Variants in NAV2 observed in about 807,000 individuals in gnomAD.
The protein encoded by NAV2 is neuron navigator 2.
A neutral mutation model predicts 223.2 loss-of-function variants in NAV2; 54 were observed. The ratio of observed to expected loss-of-function variants is 0.24; its 90% CI spans 0.19 to 0.30. NAV2 has a LOEUF of 0.30. Among genes scored for constraint, NAV2 ranks in the 10% least tolerant of loss-of-function variants. NAV2 has a pLI of 1.00. For missense variants in NAV2, 2,806 were observed against 3,147.5 expected, an observed-to-expected ratio of 0.89 and a Z score of 2.60; for synonymous variants, 1,279 against 1,239.3, an observed-to-expected ratio of 1.03 and a Z score of -0.67.
intron 1 of NAV2, among the ~76,000 whole-genome samples, chr11:19,687,218 C>G (rs576301670): frequency 1.3e-5 from 2 of 152,314 alleles, no homozygotes; most frequent in African/African-American, 4.8e-5. Context: ...CCAGCATCTC[C>G]GAAACACTGG....
intron 2 of NAV2, among the ~76,000 whole-genome samples, chr11:19,840,416 G>A (rs772105672): frequency 1.2e-4 from 19 of 152,306 alleles, no homozygotes; most frequent in Non-Finnish European, 2.9e-5. Context: ...TCTTTAAAGT[G>A]TCCCAAATGA....
chr11:20,100,825 T>A lies in NAV2; in HGVS notation c.6182-112T>A, dbSNP rs2061589612. The A allele has an allele frequency of 3.7e-6, 3 of 820,440 alleles. No individual in the cohort carries two copies. The African/African-American group carries it at 5.1e-5, about 14-fold the overall frequency. The allele number at this position is 820,440 out of a possible 1,614,324, so 50.8% of individuals were successfully genotyped here. A position where few individuals can be genotyped will look rare whatever the true frequency, so the allele number is the denominator to read the frequency against. On this transcript the variant is annotated intron_variant, in intron 31 of 37. Transcript: ENST00000349880. ...TGGGTGTGCAGGAGTCTCAGGTGAG[T>A]GGACTGCCGAGGAGAGGAATCACCT...
At chr11:19,363,145 C>T (rs1042082552) in intron 1 of NAV2, among the ~76,000 whole-genome samples, 23 of 152,186 alleles carry the variant, frequency 1.5e-4, no homozygotes, top group South Asian at 6.2e-4. Flanking sequence ...CCCCACCCCA[C>T]GACAGGCCCT....
At chr11:19,658,618 G>A (rs977134791) in intron 1 of NAV2, among the ~76,000 whole-genome samples, 1 of 152,122 alleles carries the variant, frequency 6.6e-6, no homozygotes, top group Non-Finnish European at 1.5e-5. Context: ...CTCTTACTGA[G>A]GGTAAGATTG....
At chr11:19,774,654 T>G (rs571902873) in intron 1 of NAV2, among the ~76,000 whole-genome samples, 1 of 152,288 alleles carries the variant, frequency 6.6e-6, no homozygotes, top group African/African-American at 2.4e-5. Flanking sequence ...GAATCCTCCC[T>G]GATTCTCAAC....
At chr11:19,652,713 T>A (rs1434584056) in intron 1 of NAV2, among the ~76,000 whole-genome samples, 1 of 152,168 alleles carries the variant, frequency 6.6e-6, no homozygotes, top group Non-Finnish European at 1.5e-5. Context: ...TGTCACCAGT[T>A]TGGTGTGCAG....
intron 1 of NAV2, among the ~76,000 whole-genome samples, chr11:19,666,952 T>C (rs2048428198): frequency 6.6e-6 from 1 of 152,198 alleles, no homozygotes; most frequent in Admixed American, 6.5e-5. Context: ...GTTTGAAAAC[T>C]GCTGATTCTA....
At chr11:19,559,115 G>A (rs2045007596) in intron 1 of NAV2, among the ~76,000 whole-genome samples, 1 of 152,220 alleles carries the variant, frequency 6.6e-6, no homozygotes, top group African/African-American at 2.4e-5. Flanking sequence ...GCAAGAATGG[G>A]AGGAATTATT....
chr11:19,749,812 T>C (rs923920862), intron 1 of NAV2, among the ~76,000 whole-genome samples: 7 of 152,232 alleles, frequency 4.6e-5, no homozygotes, highest in African/African-American at 1.7e-4. Context: ...CTAGAGACTT[T>C]CACGAATAAA....
At chr11:19,727,256 C>T (rs1400734995) in intron 1 of NAV2, among the ~76,000 whole-genome samples, 1 of 152,176 alleles carries the variant, frequency 6.6e-6, no homozygotes, top group Non-Finnish European at 1.5e-5. Flanking sequence ...TGAGATAGCA[C>T]CTTTCAGGAG....
chr11:19,827,629 G>T (rs1178861124), intron 1 of NAV2, among the ~76,000 whole-genome samples: 2 of 152,176 alleles, frequency 1.3e-5, no homozygotes, highest in African/African-American at 4.8e-5. Context: ...CCCCTTCAAA[G>T]GCTGGAGGAC....
intron 2 of NAV2, 44 bp downstream of exon 2, chr11:19,832,645 C>A: frequency 1.3e-6 from 2 of 1,526,670 alleles, no homozygotes; most frequent in Non-Finnish European, 1.8e-6. Flanking sequence ...TACAGTGGAG[C>A]CATCTCAAAA....
intron 1 of NAV2, among the ~76,000 whole-genome samples, chr11:19,811,717 C>A (rs1445811805): frequency 6.6e-6 from 1 of 152,158 alleles, no homozygotes; most frequent in Non-Finnish European, 1.5e-5. Context: ...AAATGACTGC[C>A]TCCTCTTCCT....
At chr11:19,407,735 A>T (rs1246422466) in intron 1 of NAV2, among the ~76,000 whole-genome samples, 1 of 151,558 alleles carries the variant, frequency 6.6e-6, no homozygotes, top group Non-Finnish European at 1.5e-5. Context: ...TTAAAAAGCA[A>T]TCGCCAGCCT....
chr11:19,933,300 T>A lies in NAV2; in HGVS notation c.1056T>A (p.Gly352=). Residue 352 remains glycine, a synonymous_variant, in exon 7 of 38, where the codon GGT becomes GGA. Coordinates refer to ENST00000349880, the MANE Select transcript of NAV2 (RefSeq NM_145117.5). The surrounding 1 kb of genome is among the most constrained non-coding windows in gnomAD (Gnocchi z 4.3). The stretch of plus-strand genomic sequence containing the variant: ...CCTCCTCGGCCATCCCGCAGCCCGG[T>A]GCAGCCACCAAGCCTTGGCGCAGCA... The part of the protein sequence containing the change: ...CSTSSAIPQP[G]AATKPWRSKS... The A allele has an allele frequency of 1.2e-6, 2 of 1,613,612 alleles. No homozygotes were observed. The highest frequency in any genetic ancestry group is 1.7e-6 in the Non-Finnish European group (2 of 1,179,760).
intron 1 of NAV2, among the ~76,000 whole-genome samples, chr11:19,458,592 T>G (rs1852041812): frequency 6.6e-6 from 1 of 152,214 alleles, no homozygotes; most frequent in East Asian, 1.9e-4. Flanking sequence ...TATTTAGTCC[T>G]CATGATGACC....
intron 1 of NAV2, among the ~76,000 whole-genome samples, chr11:19,354,055 C>A (rs1853475054): frequency 6.6e-6 from 1 of 152,086 alleles, no homozygotes; most frequent in African/African-American, 2.4e-5. Context: ...ATTATTAATC[C>A]CTTATAGATG....
Position 19,377,809 on chromosome 11 carries a change from A to G in NAV2, c.75+26782A>G, listed in dbSNP as rs551930291. On this transcript the variant is annotated intron_variant, in intron 1 of 37. Transcript: ENST00000360655. ...CCCAGGGCAAAGGTTCTGCCATTCC[A>G]TGAAAATTCCCAGGAATCCAATTTC... Among the ~76,000 whole-genome samples, 88 of 152,320 alleles carry G rather than the reference A, an allele frequency of 5.8e-4. 1 individual carries two copies. The Middle Eastern group carries it at 0.01, about 18-fold the overall frequency.
At chr11:19,369,696 T>C (rs1848407682) in intron 1 of NAV2, among the ~76,000 whole-genome samples, 1 of 152,152 alleles carries the variant, frequency 6.6e-6, no homozygotes. Context: ...TAAGGCAGTT[T>C]GGGGGCCATT....
Sources: allele counts gnomAD v4.1 joint callset (sites outside exome capture counted in the v4.1 genomes callset), GRCh38; gene constraint gnomAD v4.1.1; non-coding constraint Gnocchi (gnomAD v3.1); transcripts MANE v1.5; gene names NCBI Gene and HGNC (gene_info 2026-07-23, HGNC 2026-07-21).